IKZF2: variants seen among roughly 807,000 people sequenced by gnomAD.
IKZF2 encodes the protein zinc finger protein Helios.
Under a neutral mutation model 49.2 loss-of-function variants are expected in IKZF2, and 15 were observed. That is an observed-to-expected ratio of 0.30 (90% CI 0.20 to 0.47). The LOEUF (loss-of-function observed/expected upper bound fraction) is 0.47. Ranked by LOEUF, IKZF2 falls within the 20% of genes least tolerant of loss-of-function variation. The pLI is 1.00. For missense variants in IKZF2, 567 were observed against 664.6 expected, an observed-to-expected ratio of 0.85 and a Z score of 1.61; for synonymous variants, 227 against 221.4, an observed-to-expected ratio of 1.03 and a Z score of -0.23.
chr2:213,072,938 A>G (rs577270915), intron 4 of IKZF2, among the ~76,000 whole-genome samples: 1 of 152,184 alleles, frequency 6.6e-6, no homozygotes, highest in African/African-American at 2.4e-5. Context: ...AATACTCTCA[A>G]ATGATGGTCA....
At chr2:213,116,730 C>T (rs2059890867) in intron 4 of IKZF2, among the ~76,000 whole-genome samples, 1 of 152,068 alleles carries the variant, frequency 6.6e-6, no homozygotes, top group Non-Finnish European at 1.5e-5. Context: ...CAGAGTGAGA[C>T]CCTGTCTCAC....
intron 4 of IKZF2, among the ~76,000 whole-genome samples, chr2:213,141,912 C>G (rs1191361525): frequency 6.6e-6 from 1 of 151,974 alleles, no homozygotes; most frequent in African/African-American, 2.4e-5. Context: ...TTAATAATTG[C>G]ATTTAAGCCT....
chr2:213,060,168 A>C (rs1187847962), intron 4 of IKZF2, among the ~76,000 whole-genome samples: 1 of 151,364 alleles, frequency 6.6e-6, no homozygotes, highest in African/African-American at 2.4e-5. Flanking sequence ...AATCTTAACT[A>C]TTACATAGAA....
intron 4 of IKZF2, among the ~76,000 whole-genome samples, chr2:213,084,426 T>C (rs1704326733): frequency 6.6e-6 from 1 of 152,218 alleles, no homozygotes; most frequent in Admixed American, 6.5e-5. Flanking sequence ...CTCACAGCAA[T>C]GTTAATTTCA....
At chr2:213,122,507 A>G (rs2060092345) in intron 4 of IKZF2, among the ~76,000 whole-genome samples, 2 of 152,334 alleles carry the variant, frequency 1.3e-5, no homozygotes, top group South Asian at 4.1e-4. Context: ...CAAGTTTGAG[A>G]AAAAGACCCT....
chr2:213,095,127 T>G (rs976678182), intron 4 of IKZF2, among the ~76,000 whole-genome samples: 1 of 152,134 alleles, frequency 6.6e-6, no homozygotes, highest in Non-Finnish European at 1.5e-5. Flanking sequence ...GGGAAAACTA[T>G]GCAAATATCA....
rs1317995751 is a variant in IKZF2, at chr2:213,003,770, T to C, written c.*3590A>G. On this transcript the variant is annotated 3_prime_UTR_variant, in exon 9 of 9. Coordinates refer to ENST00000434687, the MANE Select transcript of IKZF2 (RefSeq NM_001387220.1). Reference sequence around the variant, plus strand: ...AGTTGTACAACTGAGATAAAAACTATAAAAACAAAATACCGGGCTCACTAA... The same window carrying C: ...AGTTGTACAACTGAGATAAAAACTACAAAAACAAAATACCGGGCTCACTAA... The C allele has an allele frequency of 1.3e-5, 2 of 151,808 alleles. No individual in the cohort carries two copies. Among genetic ancestry groups the C allele is most frequent in the Admixed American group, 6.6e-5 (1 of 15,188 alleles). 9.4% of individuals were successfully genotyped at this position (151,808 alleles called of 1,614,324 possible).
intron 4 of IKZF2, among the ~76,000 whole-genome samples, chr2:213,120,913 T>C (rs2060035058): frequency 6.6e-6 from 1 of 152,174 alleles, no homozygotes. Context: ...GCTAATTTTT[T>C]GTATTTTTTG....
Position 213,031,649 on chromosome 2 carries a change from G to C in IKZF2, c.575-9519C>G, listed in dbSNP as rs1235814831. On this transcript the variant is annotated intron_variant, in intron 6 of 8. Transcript: ENST00000434687. ...CTAAAATAAGGAAGCAAAATGGGAC[G>C]AAGCAAAATATACATTGTAACATAT... 5.3e-5 allele frequency among the ~76,000 whole-genome samples: 8 copies of C among 152,234 alleles called. No homozygotes were observed. In the East Asian group the frequency reaches 1.5e-3, roughly 29 times the overall value.
intron 4 of IKZF2, among the ~76,000 whole-genome samples, chr2:213,112,123 T>C (rs1389425586): frequency 6.6e-6 from 1 of 152,198 alleles, no homozygotes; most frequent in East Asian, 1.9e-4. Context: ...TACAGTTTCA[T>C]TGGTTAAGAA....
At chr2:213,009,361 A>C (rs1695692828) in intron 8 of IKZF2, among the ~76,000 whole-genome samples, 1 of 152,118 alleles carries the variant, frequency 6.6e-6, no homozygotes, top group Non-Finnish European at 1.5e-5. Context: ...TTCTGTCCCT[A>C]AGACAATGTG....
chr2:213,004,218 T>C lies in IKZF2; in HGVS notation c.*3142A>G, dbSNP rs1695141439. 2 of 151,846 alleles carry C rather than the reference T, an allele frequency of 1.3e-5. No homozygotes were observed. Among genetic ancestry groups the C allele is most frequent in the African/African-American group, 4.8e-5 (2 of 41,386 alleles). 9.4% of individuals were successfully genotyped at this position (151,846 alleles called of 1,614,324 possible). A position where few individuals can be genotyped will look rare whatever the true frequency, so the allele number is the denominator to read the frequency against. On this transcript the variant is annotated 3_prime_UTR_variant, in exon 9 of 9. Coordinates refer to ENST00000434687, the MANE Select transcript of IKZF2 (RefSeq NM_001387220.1). ...TCATACATACAATTGCCTGTATGTA[T>C]GTAGGGGAGATACTTTCTACTACGT...
intron 5 of IKZF2, among the ~76,000 whole-genome samples, chr2:213,051,758 C>A (rs554192280): frequency 6.6e-6 from 1 of 151,898 alleles, no homozygotes; most frequent in Non-Finnish European, 1.5e-5. Flanking sequence ...AGGAAAATAG[C>A]AAATATATAT....
At chr2:213,018,922 C>T (rs1488247179) in intron 7 of IKZF2, among the ~76,000 whole-genome samples, 1 of 152,166 alleles carries the variant, frequency 6.6e-6, no homozygotes, top group Non-Finnish European at 1.5e-5. Context: ...GTTAATTCTA[C>T]ATCTATGTTC....
At chr2:213,114,980 G>A (rs1292266123) in intron 4 of IKZF2, among the ~76,000 whole-genome samples, 2 of 151,644 alleles carry the variant, frequency 1.3e-5, no homozygotes, top group East Asian at 3.9e-4. Flanking sequence ...CTAGAATGAA[G>A]GCAAATGCAC....
chr2:213,056,054 A>G (rs1701123528), intron 5 of IKZF2, among the ~76,000 whole-genome samples: 1 of 152,022 alleles, frequency 6.6e-6, no homozygotes, highest in Non-Finnish European at 1.5e-5. Context: ...ACCACTTACT[A>G]TCTCATTTCT....
intron 4 of IKZF2, among the ~76,000 whole-genome samples, chr2:213,142,687 G>C (rs1003374594): frequency 6.6e-6 from 1 of 151,942 alleles, no homozygotes; most frequent in East Asian, 1.9e-4. Context: ...TTCTAACCCA[G>C]GCCAGCATAA....
At chr2:213,068,074 G>A (rs1354647508) in intron 4 of IKZF2, among the ~76,000 whole-genome samples, 1 of 152,086 alleles carries the variant, frequency 6.6e-6, no homozygotes, top group Non-Finnish European at 1.5e-5. Flanking sequence ...CATAACTAAA[G>A]TATGTGAAAC....
chr2:213,021,831 T>C (rs985085822), intron 7 of IKZF2, 162 bp downstream of exon 7: 87 of 726,370 alleles, frequency 1.2e-4, no homozygotes, highest in Non-Finnish European at 1.7e-4. Flanking sequence ...TTTGGGAGTA[T>C]TGCAAAATTT....
Sources: allele counts gnomAD v4.1 joint callset (sites outside exome capture counted in the v4.1 genomes callset), GRCh38; gene constraint gnomAD v4.1.1; transcripts MANE v1.5; gene names NCBI Gene and HGNC (gene_info 2026-07-23, HGNC 2026-07-21).